The following OCLN variants were observed in gnomAD, a reference collection of about 807,000 sequenced individuals.
The protein encoded by OCLN is phosphatase 1, regulatory subunit 115.
OCLN carries 21 observed loss-of-function variants against 47.9 expected under a neutral mutation model. The observed-to-expected ratio is 0.44, with a 90% CI of 0.31 to 0.63. The LOEUF is 0.63. Among genes scored for constraint, OCLN ranks in the 30% least tolerant of loss-of-function variants. OCLN has a pLI of 0.08. For missense variants in OCLN, 360 were observed against 571.0 expected, an observed-to-expected ratio of 0.63 and a Z score of 3.77; for synonymous variants, 117 against 198.4, an observed-to-expected ratio of 0.59 and a Z score of 3.45.
chr5:69,548,974 A>AAAGTTTTCATAT (rs1769782310), intron 7 of OCLN, among the ~76,000 whole-genome samples: 4 of 147,198 alleles, frequency 2.7e-5, no homozygotes, highest in African/African-American at 1.0e-4. Context: ...AATTAATAAT[A>AAAGTTTTCATAT]ATAATAATAA....
At chr5:69,513,032 T>G (rs1426512611) in intron 3 of OCLN, among the ~76,000 whole-genome samples, 1 of 152,206 alleles carries the variant, frequency 6.6e-6, no homozygotes, top group African/African-American at 2.4e-5. Flanking sequence ...TGCTCGTTGT[T>G]GCCATTTAGA....
intron 4 of OCLN, among the ~76,000 whole-genome samples, chr5:69,518,537 A>G (rs1333666601): frequency 6.6e-6 from 1 of 152,086 alleles, no homozygotes; most frequent in Non-Finnish European, 1.5e-5. Context: ...ATTCAATACC[A>G]CGTTCTCATT....
chr5:69,508,945 C>A (rs532874291), intron 2 of OCLN, among the ~76,000 whole-genome samples, 196 bp from the exon 3 acceptor site: 1 of 152,262 alleles, frequency 6.6e-6, no homozygotes, highest in Admixed American at 6.5e-5. Flanking sequence ...ACAGAGATAA[C>A]CCAAATGTCT....
At chr5:69,547,447 T>G (rs1013129378) in intron 6 of OCLN, among the ~76,000 whole-genome samples, 5 of 119,046 alleles carry the variant, frequency 4.2e-5, no homozygotes, top group African/African-American at 1.7e-4. Flanking sequence ...GGCAGGCACC[T>G]GTAATCCCAG....
Position 69,509,207 on chromosome 5 carries a change from C to T in OCLN, c.117C>T (p.Leu39=), listed in dbSNP as rs201027704. 1 of 1,614,164 alleles carries T rather than the reference C, an allele frequency of 6.2e-7. No individual in the cohort carries two copies. The highest frequency in any genetic ancestry group is 8.5e-7 in the Non-Finnish European group (1 of 1,179,974). ...GAGAGATGCATGTTCGACCAATGCT[C>T]TCTCAGCCAGCCTACTCTTTTTACC... is the stretch of plus-strand genomic sequence containing the variant. The part of the protein sequence containing the change: ...YGGEMHVRPM[L]SQPAYSFYPE... The change falls in exon 3 of 9, where the codon CTC becomes CTT. Residue 39 remains leucine (L), a synonymous_variant. Coordinates refer to ENST00000396442, the MANE Select transcript of OCLN (RefSeq NM_001205254.2).
At chr5:69,500,144 CTG>C (rs1446264792) in intron 1 of OCLN, among the ~76,000 whole-genome samples, 1 of 152,172 alleles carries the variant, frequency 6.6e-6, no homozygotes, top group African/African-American at 2.4e-5. Context: ...TCCACTTTGT[CTG>C]TGTTTACCAG....
intron 4 of OCLN, among the ~76,000 whole-genome samples, chr5:69,515,028 T>C (rs1240738862): frequency 6.6e-6 from 1 of 152,176 alleles, no homozygotes; most frequent in African/African-American, 2.4e-5. Flanking sequence ...CCTTTCTCAA[T>C]GAGCTGTTGG....
chr5:69,549,905 G>A (rs1043402910), intron 7 of OCLN, among the ~76,000 whole-genome samples: 1 of 149,344 alleles, frequency 6.7e-6, no homozygotes, highest in African/African-American at 2.4e-5. Context: ...CTTATTGTGG[G>A]GTTTTATCTT....
rs150770997 is a variant in OCLN, at chr5:69,517,839, T to C, written c.891+3730T>C. Among the ~76,000 whole-genome samples, 38 of 152,312 alleles carry C rather than the reference T, an allele frequency of 2.5e-4. No individual in the cohort carries two copies. In the East Asian group the frequency reaches 7.3e-3, roughly 29 times the overall value. On this transcript the variant is annotated intron_variant, in intron 4 of 8. Coordinates refer to ENST00000396442, the MANE Select transcript of OCLN (RefSeq NM_001205254.2). ...TGTGAAGGTGTTAGGAAGTGTTTTC[T>C]TTCGACATTTACCTCCAGGCAAGGC... is the stretch of plus-strand genomic sequence containing the variant.
intron 1 of OCLN, among the ~76,000 whole-genome samples, chr5:69,500,985 C>A (rs1179657802): frequency 2.6e-5 from 4 of 151,994 alleles, no homozygotes; most frequent in African/African-American, 9.7e-5. Context: ...GTGGCACAAT[C>A]TTGGCTCACT....
chr5:69,549,166 TAAA>T (rs57565533), intron 7 of OCLN, among the ~76,000 whole-genome samples: 6 of 104,620 alleles, frequency 5.7e-5, no homozygotes, highest in South Asian at 3.4e-4. Context: ...CCGTCTCTAC[TAAA>T]AAAAAAAAAA....
chr5:69,523,538 T>C (rs1769198050), intron 4 of OCLN, among the ~76,000 whole-genome samples: 1 of 151,882 alleles, frequency 6.6e-6, no homozygotes, highest in Non-Finnish European at 1.5e-5. Context: ...TTTTTTTTTT[T>C]TTTTAATTAT....
At chr5:69,511,923 T>C (rs923493659) in intron 3 of OCLN, among the ~76,000 whole-genome samples, 1 of 151,440 alleles carries the variant, frequency 6.6e-6, no homozygotes, top group Non-Finnish European at 1.5e-5. Context: ...CTCAGTAGGC[T>C]GAGGCAGGAG....
chr5:69,506,831 A>G (rs762126560), intron 2 of OCLN, among the ~76,000 whole-genome samples: 2 of 152,248 alleles, frequency 1.3e-5, no homozygotes, highest in Non-Finnish European at 2.9e-5. Context: ...TTTAAAACAT[A>G]CTAGAGAATA....
intron 3 of OCLN, among the ~76,000 whole-genome samples, chr5:69,510,552 A>G (rs2111979042): frequency 6.6e-6 from 1 of 152,132 alleles, no homozygotes; most frequent in East Asian, 1.9e-4. Context: ...GCATGGTGGC[A>G]GGCACCTGTA....
chr5:69,495,550 G>C (rs1187534196), intron 1 of OCLN, among the ~76,000 whole-genome samples: 1 of 152,212 alleles, frequency 6.6e-6, no homozygotes, highest in Non-Finnish European at 1.5e-5. Context: ...GGCATTCACT[G>C]CTGGATTGAA....
At chr5:69,530,129 A>G (rs1769390206) in intron 4 of OCLN, among the ~76,000 whole-genome samples, 1 of 152,170 alleles carries the variant, frequency 6.6e-6, no homozygotes, top group Non-Finnish European at 1.5e-5. Flanking sequence ...GCATGAGTCC[A>G]GGAGTTCAAG....
intron 3 of OCLN, among the ~76,000 whole-genome samples, chr5:69,513,183 A>T (rs1031938288): frequency 6.6e-6 from 1 of 152,198 alleles, no homozygotes; most frequent in African/African-American, 2.4e-5. Flanking sequence ...TGTTCCCATT[A>T]GCAGACATCC....
At chr5:69,501,914 C>T (rs1768469258) in intron 1 of OCLN, among the ~76,000 whole-genome samples, 2 of 151,536 alleles carry the variant, frequency 1.3e-5, no homozygotes, top group Non-Finnish European at 2.9e-5. Context: ...AGAGAGTTGC[C>T]AGGTGGGGCG....
Sources: gnomAD v4.1 joint callset for allele counts (sites outside exome capture counted in the v4.1 genomes callset) on GRCh38, gnomAD v4.1.1 for gene constraint, MANE v1.5 for transcripts, NCBI Gene and HGNC (gene_info 2026-07-23, HGNC 2026-07-21) for gene names.